UMODL1: variants seen among roughly 807,000 people sequenced by gnomAD.
UMODL1 encodes uromodulin like 1, also known as uromodulin-like 1.
UMODL1 carries 128 observed loss-of-function variants against 136.3 expected under a neutral mutation model. The ratio of observed to expected loss-of-function variants is 0.94; its 90% CI spans 0.81 to 1.09. The LOEUF is 1.09. UMODL1 is among the 50% of genes least tolerant of loss of function. The pLI is 0.00. For missense variants in UMODL1, 1,766 were observed against 1,725.6 expected (o/e 1.02, Z -0.41); for synonymous variants, 721 against 720.0 (o/e 1.00, Z -0.02).
intron 21 of UMODL1, among the ~76,000 whole-genome samples, chr21:42,137,132 C>G (rs1411144560): frequency 6.6e-6 from 1 of 152,182 alleles, no homozygotes; most frequent in African/African-American, 2.4e-5. Flanking sequence ...CTGTGTAGGC[C>G]CAACCCGTGT....
In UMODL1 at chr21:42,129,778, A is replaced by G. The variant is rs539543122; in HGVS notation, c.3756A>G (p.Gly1252=). 1.9e-6 allele frequency: 3 copies of G among 1,587,084 alleles called. No individual in the cohort carries two copies. The highest frequency in any genetic ancestry group is 2.6e-6 in the Non-Finnish European group (3 of 1,169,620). Residue 1252 remains glycine, a synonymous_variant, in exon 21 of 23, where the codon GGA becomes GGG. Transcript: ENST00000408910. ...ETSATHQMSW[G]PLIRSEGEPP... Reference sequence around the variant, plus strand: ...CTGCCACACACCAGATGTCCTGGGGACCCCTCATCCGGTCTGAAGGTGAGT... The same window carrying G: ...CTGCCACACACCAGATGTCCTGGGGGCCCCTCATCCGGTCTGAAGGTGAGT...
chr21:42,133,057 A>G (rs2067154454), intron 21 of UMODL1, among the ~76,000 whole-genome samples: 1 of 152,270 alleles, frequency 6.6e-6, no homozygotes, highest in Non-Finnish European at 1.5e-5. Context: ...GTTGTTCAAC[A>G]TTCTTTCTCA....
At position 42,114,089 on chromosome 21, in the gene UMODL1, C is replaced by T. The variant is rs537194045; in HGVS notation, c.2362+259C>T. Among the ~76,000 whole-genome samples, 18 of 152,322 alleles carry T rather than the reference C, an allele frequency of 1.2e-4. No homozygotes were observed. The South Asian group carries it at 2.7e-3, about 23-fold the overall frequency. ...GCCATAGACTGCGCCTGGAAGGCTG[C>T]GGGTGCGGCTCACCCATGTCCTCCG... On this transcript the variant is annotated intron_variant, in intron 13 of 22. Coordinates refer to ENST00000408910, the MANE Select transcript of UMODL1 (RefSeq NM_001004416.3).
At position 42,104,006 on chromosome 21, in the gene UMODL1, A is replaced by T. The variant is rs201080213; in HGVS notation, c.1438A>T (p.Ile480Phe). 3.7e-6 allele frequency: 6 copies of T among 1,613,994 alleles called. No individual in the cohort carries two copies. Among genetic ancestry groups the T allele is most frequent in the Non-Finnish European group, 5.1e-6 (6 of 1,180,026 alleles). Reference protein sequence around the residue: ...TVQDPGFPMGISTLAPILQPL... With the variant: ...TVQDPGFPMGFSTLAPILQPL... ...GCAGGACCCCGGGTTTCCCATGGGC[A>T]TCTCCACGCTGGCCCCCATACTCCA... The change falls in exon 9 of 23, where the codon ATC (isoleucine) becomes TTC (phenylalanine). Residue 480 changes from isoleucine to phenylalanine, a missense_variant. Transcript: ENST00000408910.
At chr21:42,081,721 C>T (rs1028174262) in intron 2 of UMODL1, among the ~76,000 whole-genome samples, 10 of 152,176 alleles carry the variant, frequency 6.6e-5, no homozygotes, top group African/African-American at 1.9e-4. Flanking sequence ...CTTCCCCTAA[C>T]GTTAGCATCT....
intron 18 of UMODL1, 107 bp from the exon 19 acceptor site, chr21:42,126,898 AT>A: frequency 1.1e-6 from 1 of 938,948 alleles, no homozygotes; most frequent in East Asian, 2.4e-5. Context: ...CTTCTCGTTC[AT>A]TTGCACGTTC....
Position 42,127,041 on chromosome 21 carries a change from G to C in UMODL1, c.3329G>C (p.Gly1110Ala), listed in dbSNP as rs1438448719. Residue 1110 changes from glycine (G) to alanine (A), a missense_variant, in exon 19 of 23, where the codon GGG (glycine) becomes GCG (alanine). Coordinates refer to ENST00000408910, the MANE Select transcript of UMODL1 (RefSeq NM_001004416.3). ...YTIIEDLHGA[G>A]NFVTEMQLFI... is the part of the protein sequence containing the mutation. ...ATCATCGAGGACCTCCACGGCGCTG[G>C]GAATTTTGTTACCGAAATGCAGTTG... 4 of 1,614,128 alleles carry C rather than the reference G, an allele frequency of 2.5e-6. No homozygotes were observed. The highest frequency in any genetic ancestry group is 3.4e-6 in the Non-Finnish European group (4 of 1,180,028).
At chr21:42,117,187 C>G (rs1347333901) in intron 14 of UMODL1, among the ~76,000 whole-genome samples, 1 of 152,206 alleles carries the variant, frequency 6.6e-6, no homozygotes, top group African/African-American at 2.4e-5. Context: ...TTCACAGAAA[C>G]AGAATCATAC....
chr21:42,070,137 G>A (rs891069951), upstream of UMODL1, among the ~76,000 whole-genome samples: 22 of 152,186 alleles, frequency 1.4e-4, no homozygotes, highest in Admixed American at 8.5e-4. Flanking sequence ...AGGTAGCAAC[G>A]TTGGTGCGGG....
rs1056929032 is a variant in UMODL1 at position 42,109,462 on chromosome 21, T to C, written c.1520-100T>C. ...AATGCCCCTGCTCCCGGCCGTTCAC[T>C]GCAAAGACGGCTAGGAAGGACTCCT... On this transcript the variant is annotated intron_variant, in intron 9 of 22. Transcript: ENST00000408910. 6 of 1,540,530 alleles carry C rather than the reference T, an allele frequency of 3.9e-6. No individual in the cohort carries two copies. In the African/African-American group the frequency reaches 6.8e-5, roughly 17 times the overall value.
chr21:42,070,512 C>G (rs1472521963), upstream of UMODL1, among the ~76,000 whole-genome samples: 1 of 152,208 alleles, frequency 6.6e-6, no homozygotes. Context: ...GGAGTTTTCT[C>G]CATGCTTATA....
intron 8 of UMODL1, 192 bp from the exon 9 acceptor site, chr21:42,103,676 C>T: frequency 1.4e-6 from 1 of 734,852 alleles, no homozygotes; most frequent in Non-Finnish European, 2.5e-6. Flanking sequence ...GCCCGGCCGT[C>T]CCAGGGAAAG....
At chr21:42,119,796 CTT>C (rs1224209461) in intron 15 of UMODL1, among the ~76,000 whole-genome samples, 1 of 152,116 alleles carries the variant, frequency 6.6e-6, no homozygotes, top group Non-Finnish European at 1.5e-5. Flanking sequence ...AAACAAAAGA[CTT>C]TTTAAAAATT....
At chr21:42,100,469 G>A (rs1235806700) in intron 7 of UMODL1, among the ~76,000 whole-genome samples, 1 of 151,974 alleles carries the variant, frequency 6.6e-6, no homozygotes, top group African/African-American at 2.4e-5. Flanking sequence ...CATCCAGAAA[G>A]CCCTCAAGCA....
At chr21:42,108,480 A>C (rs1010909688) in intron 9 of UMODL1, 35 of 447,578 alleles carry the variant, frequency 7.8e-5, no homozygotes, top group Middle Eastern at 3.3e-4. Context: ...ACAGAAAAAA[A>C]CCCACAAAAC....
rs572403618 is a variant in UMODL1, at chr21:42,109,734, C to T, written c.1657+35C>T. On this transcript the variant is annotated intron_variant, in intron 10 of 22. Coordinates refer to ENST00000408910, the MANE Select transcript of UMODL1 (RefSeq NM_001004416.3). ...GACCCCCCTGCCGACTCTGGGAAGA[C>T]CCCCTGCCCGAGAATCTGGGGGTGG... The T allele has an allele frequency of 2.6e-5, 41 of 1,592,926 alleles. 1 individual carries two copies. The South Asian group carries it at 3.6e-4, about 14-fold the overall frequency.
At chr21:42,107,311 C>A (rs987801545) in intron 9 of UMODL1, among the ~76,000 whole-genome samples, 1 of 152,194 alleles carries the variant, frequency 6.6e-6, no homozygotes, top group Non-Finnish European at 1.5e-5. Flanking sequence ...GCGTAAGAGG[C>A]CTTGTGGGTC....
intron 15 of UMODL1, chr21:42,120,508 T>C (rs1460471404): frequency 1.3e-5 from 2 of 152,266 alleles, no homozygotes; most frequent in African/African-American, 4.8e-5. Flanking sequence ...ATGATGAGAA[T>C]AGCGGTTTGT....
In UMODL1 at chr21:42,123,151, G is replaced by C; in HGVS notation, c.3147+1G>C. ...CGAGTGTGGGACCCTCATGCAGAGC[G>C]TAAGACCAGGAGAGCCAGGCTCAGG... On this transcript the variant is annotated splice_donor_variant, in intron 17 of 22. Transcript: ENST00000408910. LOFTEE classifies it high-confidence loss of function. The surrounding 1 kb of genome is among the most constrained non-coding windows in gnomAD (Gnocchi z 4.4). 6.2e-7 allele frequency: 1 copy of C among 1,608,582 alleles called. No individual in the cohort carries two copies. Among genetic ancestry groups the C allele is most frequent in the Middle Eastern group, 1.7e-4 (1 of 6,014 alleles).
Sources: gnomAD v4.1 joint callset for allele counts (sites outside exome capture counted in the v4.1 genomes callset) on GRCh38, gnomAD v4.1.1 for gene constraint, Gnocchi (gnomAD v3.1) non-coding constraint, MANE v1.5 for transcripts, NCBI Gene and HGNC (gene_info 2026-07-23, HGNC 2026-07-21) for gene names.